TRPV1: variants seen among roughly 807,000 people sequenced by gnomAD.
The protein encoded by TRPV1 is OTRPC1.
Under a neutral mutation model 82.3 loss-of-function variants are expected in TRPV1, and 82 were observed. The observed-to-expected ratio is 1.00, with a 90% CI of 0.83 to 1.20. TRPV1 has a LOEUF of 1.20. Among genes scored for constraint, TRPV1 ranks in the 50% most tolerant of loss-of-function variants. The probability of loss-of-function intolerance (pLI) is 0.00; values close to 1 mark genes in which losing one functional copy is unlikely to be tolerated. For synonymous variants in TRPV1, 515 were observed against 467.7 expected (o/e 1.10, Z -1.30); for missense variants, 1,067 against 1,096.8 (o/e 0.97, Z 0.38).
intron 2 of TRPV1, among the ~76,000 whole-genome samples, chr17:3,601,160 C>G (rs771291125): frequency 6.6e-6 from 1 of 151,958 alleles, no homozygotes; most frequent in Non-Finnish European, 1.5e-5. Context: ...TGACCTCCAG[C>G]CTCTCCTTCT....
intron 8 of TRPV1, among the ~76,000 whole-genome samples, 176 bp from the exon 9 acceptor site, chr17:3,586,102 C>A (rs2075082288): frequency 6.6e-6 from 1 of 152,254 alleles, no homozygotes. Context: ...GGTCCCAGCA[C>A]TGCCGCGGCT....
intron 2 of TRPV1, chr17:3,595,618 G>T (rs200042813): frequency 4.6e-5 from 7 of 152,216 alleles, no homozygotes; most frequent in African/African-American, 1.7e-4. Flanking sequence ...AATAAGCTAA[G>T]AATAAGAATA....
chr17:3,568,554 C>T (rs948309953), intron 16 of TRPV1, among the ~76,000 whole-genome samples: 1 of 152,034 alleles, frequency 6.6e-6, no homozygotes, highest in African/African-American at 2.4e-5. Flanking sequence ...TAAAAATGAG[C>T]CTTTGATAAA....
At position 3,591,064 on chromosome 17, in the gene TRPV1, G is replaced by A. The variant is rs202156842; in HGVS notation, c.504C>T (p.Asp168=). The stretch of plus-strand genomic sequence containing the variant: ...GCAGGGGGATGGTGGTGTTCTGTCC[G>A]TCGTGCAGGTTGAGCATGGCTTTCA... ...CLLKAMLNLH[D]GQNTTIPLLL... The change falls in exon 5 of 17, where the codon GAC becomes GAT. Residue 168 remains aspartate, a synonymous_variant. Coordinates refer to ENST00000572705, the MANE Select transcript of TRPV1 (RefSeq NM_080704.4). 54 of 1,613,122 alleles carry A rather than the reference G, an allele frequency of 3.3e-5. No homozygotes were observed. The East Asian group carries it at 6.0e-4, about 18-fold the overall frequency.
chr17:3,598,834 T>G (rs1410449006), intron 2 of TRPV1, among the ~76,000 whole-genome samples: 1 of 149,168 alleles, frequency 6.7e-6, no homozygotes, highest in East Asian at 2.0e-4. Context: ...CCCAAAGTGC[T>G]GGGATCATAG....
Position 3,589,918 on chromosome 17 carries a change from A to T in TRPV1, c.933T>A (p.Asn311Lys). The T allele has an allele frequency of 3.1e-6, 5 of 1,589,016 alleles. No homozygotes were observed. The highest frequency in any genetic ancestry group is 4.3e-6 in the Non-Finnish European group (5 of 1,167,788). Residue 311 changes from asparagine to lysine, a missense_variant, in exon 7 of 17, where the codon AAT (asparagine) becomes AAA (lysine). Physicochemically the swap from Asn to Lys is moderately conservative, Grantham distance 94. Coordinates refer to ENST00000572705, the MANE Select transcript of TRPV1 (RefSeq NM_080704.4). ...DNTKFVTSMY[N>K]EILMLGAKLH... The stretch of plus-strand genomic sequence containing the variant: ...GTTTGGCCCCCAGCATCAGAATCTC[A>T]TTGTACATGCTCGTCACAAACTTCG...
intron 1 of TRPV1, chr17:3,609,087 T>C (rs1438323138): frequency 6.6e-6 from 1 of 152,202 alleles, no homozygotes; most frequent in Non-Finnish European, 1.5e-5. Context: ...GGTATCCCCA[T>C]GTTGGTCAGG....
chr17:3,598,929 T>G (rs1312739296), intron 2 of TRPV1, among the ~76,000 whole-genome samples: 1 of 151,120 alleles, frequency 6.6e-6, no homozygotes, highest in Non-Finnish European at 1.5e-5. Flanking sequence ...ACGTTAGAAT[T>G]CATTCTTGTT....
At chr17:3,592,462 A>C (rs1402582639) in intron 2 of TRPV1, 79 bp from the exon 3 acceptor site, 19 of 1,391,092 alleles carry the variant, frequency 1.4e-5, no homozygotes, top group Non-Finnish European at 1.8e-5. Context: ...CTCCTTGCCA[A>C]GGGCCCTGTG....
At chr17:3,577,225 G>A in intron 12 of TRPV1, 33 bp from the exon 13 acceptor site, 1 of 1,561,780 alleles carries the variant, frequency 6.4e-7, no homozygotes, top group Non-Finnish European at 8.7e-7. Flanking sequence ...CAGAGCCGAG[G>A]CCAGGCCCAG....
intron 9 of TRPV1, among the ~76,000 whole-genome samples, chr17:3,584,308 CAGG>C (rs1293202146): frequency 6.8e-6 from 1 of 147,228 alleles, no homozygotes; most frequent in African/African-American, 2.5e-5. Context: ...GAGGCTGAGG[CAGG>C]AGAATGGCGT....
At position 3,572,137 on chromosome 17, in the gene TRPV1, T is replaced by C; in HGVS notation, c.2216A>G (p.Tyr739Cys). The C allele has an allele frequency of 1.2e-6, 2 of 1,613,502 alleles. No individual in the cohort carries two copies. The highest frequency in any genetic ancestry group is 8.5e-7 in the Non-Finnish European group (1 of 1,179,620). Residue 739 changes from tyrosine to cysteine, a missense_variant, in exon 15 of 17, where the codon TAC becomes TGC. Transcript: ENST00000572705. ...TGGGCATTACCTGAAGCACCACCGG[T>C]AGTCGTCCTTGCCATCAGGTGTGTA... ...VGYTPDGKDD[Y>C]RWCFRVDEVN...
At chr17:3,575,116 A>G (rs561608197) in intron 13 of TRPV1, among the ~76,000 whole-genome samples, 83 of 152,278 alleles carry the variant, frequency 5.5e-4, no homozygotes, top group African/African-American at 1.9e-3. Flanking sequence ...ACAAATACAT[A>G]GAAATGGGGA....
At chr17:3,577,979 T>C (rs887328395) in intron 11 of TRPV1, 2 of 534,458 alleles carry the variant, frequency 3.7e-6, no homozygotes, top group Non-Finnish European at 6.7e-6. Flanking sequence ...GTGCAAAATC[T>C]CACTCTTTAT....
intron 16 of TRPV1, among the ~76,000 whole-genome samples, chr17:3,569,003 A>G (rs2074811833): frequency 6.6e-6 from 1 of 152,206 alleles, no homozygotes; most frequent in South Asian, 2.1e-4. Context: ...CATTCTCAGC[A>G]AACTATTGCA....
rs200411831 is a variant in TRPV1, at chr17:3,583,343, G to A, written c.1471C>T (p.Arg491Ter). ...SVLGGVYFFF[R>*]GIQYFLQRRP... ...ATGTGGGAAGGAACGCTTACCCCTC[G>A]GAAAAAGAAGTAGACTCCTCCTAAC... is the stretch of plus-strand genomic sequence containing the variant. The change falls in exon 10 of 17, where the codon CGA becomes TGA. Residue 491 changes from arginine (R) to a stop codon, truncating the protein, a stop_gained. Transcript: ENST00000572705. LOFTEE classifies it high-confidence loss of function. 2.1e-5 allele frequency: 33 copies of A among 1,607,274 alleles called. No individual in the cohort carries two copies. The highest frequency in any genetic ancestry group is 3.3e-5 in the South Asian group (3 of 89,652).
In TRPV1 at chr17:3,592,135, G is replaced by A. The variant is rs1454959987; in HGVS notation, c.216C>T (p.Ser72=). Residue 72 remains serine (S), a synonymous_variant, in exon 3 of 17, where the codon TCC becomes TCT. Coordinates refer to ENST00000572705, the MANE Select transcript of TRPV1 (RefSeq NM_080704.4). ...DCPHEEGELD[S]CPTITVSPVI... ...CAGGGCTGACTGTGATGGTCGGGCA[G>A]GAGTCCAGCTCACCTTCCTCGTGAG... 1.2e-6 allele frequency: 2 copies of A among 1,613,808 alleles called. No individual in the cohort carries two copies. The highest frequency in any genetic ancestry group is 2.2e-5 in the East Asian group (1 of 44,896).
At chr17:3,588,824 A>AT in intron 7 of TRPV1, 1 of 1,323,138 alleles carries the variant, frequency 7.6e-7, no homozygotes, top group Non-Finnish European at 1.0e-6. Context: ...AAAAAAAAAA[A>AT]AAAAAACAAA....
chr17:3,581,245 G>A (rs906901621), intron 10 of TRPV1, among the ~76,000 whole-genome samples: 24 of 151,944 alleles, frequency 1.6e-4, no homozygotes, highest in African/African-American at 4.8e-4. Flanking sequence ...GATTACAAGC[G>A]TGAGCCACCT....
Sources: gnomAD v4.1 joint callset for allele counts (sites outside exome capture counted in the v4.1 genomes callset) on GRCh38, gnomAD v4.1.1 for gene constraint, MANE v1.5 for transcripts, NCBI Gene and HGNC (gene_info 2026-07-23, HGNC 2026-07-21) for gene names.